LPP: variants seen among roughly 807,000 people sequenced by gnomAD.
LPP encodes lipoma-preferred partner.
A neutral mutation model predicts 60.4 loss-of-function variants in LPP; 38 were observed. The ratio of observed to expected loss-of-function variants is 0.63; its 90% CI spans 0.49 to 0.83. The LOEUF is 0.83. Ranked by LOEUF, LPP falls within the 40% of genes least tolerant of loss-of-function variation. The pLI is 0.00. For missense variants in LPP, 902 were observed against 783.6 expected (o/e 1.15, Z -1.80); for synonymous variants, 328 against 290.8 (o/e 1.13, Z -1.30).
chr3:188,636,497 C>T (rs895631349), intron 7 of LPP, among the ~76,000 whole-genome samples: 4 of 152,180 alleles, frequency 2.6e-5, no homozygotes, highest in Admixed American at 2.0e-4. Context: ...CCACCATTGC[C>T]CAGACTTGCT....
chr3:188,568,689 G>A (rs1473143683), intron 6 of LPP: 1 of 151,944 alleles, frequency 6.6e-6, no homozygotes, highest in African/African-American at 2.4e-5. Context: ...GAATGCATCC[G>A]ATCTGAACTA....
intron 9 of LPP, among the ~76,000 whole-genome samples, chr3:188,803,451 A>G (rs1156773305): frequency 1.3e-5 from 2 of 152,188 alleles, no homozygotes; most frequent in Non-Finnish European, 2.9e-5. Flanking sequence ...TTTAGGTGTT[A>G]CTTTTAGGTG....
chr3:188,384,705 G>A (rs1011769833), intron 3 of LPP, among the ~76,000 whole-genome samples: 2 of 146,276 alleles, frequency 1.4e-5, no homozygotes, highest in South Asian at 2.1e-4. Flanking sequence ...CAGGAGAATC[G>A]CTTGAACCAC....
intron 4 of LPP, among the ~76,000 whole-genome samples, chr3:188,410,353 AC>A (rs1784611483): frequency 6.6e-6 from 1 of 152,174 alleles, no homozygotes; most frequent in South Asian, 2.1e-4. Flanking sequence ...CCTTGGTGTT[AC>A]GTCTGTAATC....
At chr3:188,374,870 A>T (rs559604557) in intron 3 of LPP, among the ~76,000 whole-genome samples, 2 of 152,124 alleles carry the variant, frequency 1.3e-5, no homozygotes, top group East Asian at 3.9e-4. Context: ...TATTATTTTG[A>T]GATACGTCCC....
chr3:188,288,733 C>T (rs566686196), intron 2 of LPP, among the ~76,000 whole-genome samples: 15 of 151,954 alleles, frequency 9.9e-5, no homozygotes, highest in East Asian at 7.8e-4. Flanking sequence ...ATTTGATGTC[C>T]GGGTTGAAAT....
chr3:188,824,538 G>C (rs1754869174), intron 9 of LPP, among the ~76,000 whole-genome samples: 2 of 152,200 alleles, frequency 1.3e-5, no homozygotes, highest in South Asian at 4.2e-4. Context: ...TCCGTGTAGG[G>C]CACTGGGAAT....
intron 2 of LPP, among the ~76,000 whole-genome samples, chr3:188,300,705 A>C (rs968134812): frequency 6.6e-6 from 1 of 152,154 alleles, no homozygotes; most frequent in African/African-American, 2.4e-5. Context: ...TGGTCTCCTG[A>C]ATGTCCTGCG....
At chr3:188,492,848 T>A (rs1024494880) in intron 5 of LPP, among the ~76,000 whole-genome samples, 1 of 152,238 alleles carries the variant, frequency 6.6e-6, no homozygotes, top group African/African-American at 2.4e-5. Flanking sequence ...AACATTCTTT[T>A]CTTCCCTGCT....
At chr3:188,496,127 C>T (rs911267479) in intron 5 of LPP, among the ~76,000 whole-genome samples, 10 of 150,940 alleles carry the variant, frequency 6.6e-5, no homozygotes, top group East Asian at 1.9e-4. Context: ...TCAAAATTGA[C>T]GTCTTTTTTT....
At chr3:188,778,374 A>G (rs1335795767) in intron 9 of LPP, among the ~76,000 whole-genome samples, 1 of 152,156 alleles carries the variant, frequency 6.6e-6, no homozygotes, top group Non-Finnish European at 1.5e-5. Flanking sequence ...TTTTACTGGC[A>G]AGCTTTGTGA....
chr3:188,271,290 G>C (rs1342350114), intron 2 of LPP, among the ~76,000 whole-genome samples: 1 of 152,038 alleles, frequency 6.6e-6, no homozygotes, highest in Non-Finnish European at 1.5e-5. Flanking sequence ...AAGAAATGTA[G>C]GTATGTTCAA....
chr3:188,881,564 G>T lies in LPP; in HGVS notation c.*7085G>T. The T allele has an allele frequency of 4.6e-6, 1 of 217,472 alleles. No homozygotes were observed. Among genetic ancestry groups the T allele is most frequent in the Non-Finnish European group, 9.3e-6 (1 of 107,976 alleles). 13.5% of individuals were successfully genotyped at this position (217,472 alleles called of 1,614,324 possible). A position where few individuals can be genotyped will look rare whatever the true frequency, so the allele number is the denominator to read the frequency against. ...ATTTCCCCAAAAAACCTCAGACCCA[G>T]AAGTGTAAAAGCTACAGAAGGATAG... On this transcript the variant is annotated 3_prime_UTR_variant, in exon 12 of 12. Transcript: ENST00000617246.
chr3:188,749,424 C>T (rs958010181), intron 8 of LPP, among the ~76,000 whole-genome samples: 5 of 152,198 alleles, frequency 3.3e-5, no homozygotes, highest in African/African-American at 7.2e-5. Context: ...ATTTTCTACA[C>T]GTCCTATGAC....
intron 1 of LPP, among the ~76,000 whole-genome samples, chr3:188,209,919 A>G (rs1334358725): frequency 6.6e-6 from 1 of 152,160 alleles, no homozygotes; most frequent in Non-Finnish European, 1.5e-5. Context: ...TTGGCAAAAA[A>G]TGCATTAGAA....
At chr3:188,330,859 G>GTAAA (rs57059911) in intron 2 of LPP, among the ~76,000 whole-genome samples, 115 of 149,520 alleles carry the variant, frequency 7.7e-4, no homozygotes, top group South Asian at 1.7e-3. Flanking sequence ...AAGTAAGTAA[G>GTAAA]TAAATAAATA....
intron 7 of LPP, among the ~76,000 whole-genome samples, chr3:188,625,559 A>C (rs1846682302): frequency 6.6e-6 from 1 of 152,090 alleles, no homozygotes; most frequent in Non-Finnish European, 1.5e-5. Flanking sequence ...CAGTTTTCCA[A>C]TTTTTCATAC....
At chr3:188,748,976 C>G (rs892782278) in intron 8 of LPP, among the ~76,000 whole-genome samples, 2 of 152,164 alleles carry the variant, frequency 1.3e-5, no homozygotes, top group Non-Finnish European at 2.9e-5. Flanking sequence ...CCATGTCCTA[C>G]TGCCATTCCT....
At chr3:188,602,169 A>G (rs1444945435) in intron 6 of LPP, among the ~76,000 whole-genome samples, 1 of 129,690 alleles carries the variant, frequency 7.7e-6, no homozygotes, top group Non-Finnish European at 1.7e-5. Flanking sequence ...TATATAATAT[A>G]TATATATTAT....
Sources: gnomAD v4.1 joint callset for allele counts (sites outside exome capture counted in the v4.1 genomes callset) on GRCh38, gnomAD v4.1.1 for gene constraint, MANE v1.5 for transcripts, NCBI Gene and HGNC (gene_info 2026-07-23, HGNC 2026-07-21) for gene names.